The following ADAMTS3 variants were observed in gnomAD, a reference collection of about 807,000 sequenced individuals.
ADAMTS3 encodes A disintegrin and metalloproteinase with thrombospondin motifs 3.
A neutral mutation model predicts 129.0 loss-of-function variants in ADAMTS3; 73 were observed. The observed-to-expected ratio is 0.57, with a 90% confidence interval of 0.47 to 0.69. ADAMTS3 has a LOEUF of 0.69. Ranked by LOEUF, ADAMTS3 falls within the 30% of genes least tolerant of loss-of-function variation. The pLI is 0.00. For missense variants in ADAMTS3, 1,457 were observed against 1,514.5 expected (o/e 0.96, Z 0.63); for synonymous variants, 477 against 510.8 (o/e 0.93, Z 0.89).
At chr4:72,411,226 T>C (rs1239301170) in intron 4 of ADAMTS3, among the ~76,000 whole-genome samples, 1 of 152,122 alleles carries the variant, frequency 6.6e-6, no homozygotes, top group African/African-American at 2.4e-5. Flanking sequence ...AATCGTACCA[T>C]ATGACACATT....
intron 3 of ADAMTS3, among the ~76,000 whole-genome samples, chr4:72,441,524 A>G (rs989575473): frequency 2.6e-5 from 4 of 151,740 alleles, no homozygotes; most frequent in Non-Finnish European, 5.9e-5. Flanking sequence ...TGAGATGAGC[A>G]GTTTTAATTT....
intron 3 of ADAMTS3, among the ~76,000 whole-genome samples, chr4:72,530,671 TATA>T (rs66816375): frequency 0.25 from 21,154 of 85,618 alleles, 3,104 homozygotes; most frequent in East Asian, 0.41. Flanking sequence ...TTATATAATA[TATA>T]ATATGTATAA....
chr4:72,466,238 G>A (rs1038379898), intron 3 of ADAMTS3, among the ~76,000 whole-genome samples: 2 of 152,166 alleles, frequency 1.3e-5, no homozygotes, highest in Non-Finnish European at 2.9e-5. Flanking sequence ...TGTTCAGCTC[G>A]TGGCTGGCAC....
chr4:72,530,805 T>TTA (rs1460889977), intron 3 of ADAMTS3, among the ~76,000 whole-genome samples: 2 of 52,924 alleles, frequency 3.8e-5, no homozygotes, highest in East Asian at 7.3e-4. Context: ...ATTATATATA[T>TTA]TATATATTAT....
intron 3 of ADAMTS3, among the ~76,000 whole-genome samples, chr4:72,424,137 T>C (rs1722514533): frequency 1.3e-5 from 2 of 152,142 alleles, no homozygotes; most frequent in Admixed American, 1.3e-4. Context: ...ACATTTGAGT[T>C]TAGCTGGCAT....
At chr4:72,349,253 T>C (rs1720365442) in intron 4 of ADAMTS3, among the ~76,000 whole-genome samples, 1 of 152,030 alleles carries the variant, frequency 6.6e-6, no homozygotes, top group South Asian at 2.1e-4. Flanking sequence ...AATTAATAAT[T>C]AGGCCACAAT....
At chr4:72,396,279 C>T (rs1721722493) in intron 4 of ADAMTS3, among the ~76,000 whole-genome samples, 1 of 152,050 alleles carries the variant, frequency 6.6e-6, no homozygotes. Context: ...GCACAGTTTT[C>T]TCATCAAAGA....
intron 19 of ADAMTS3, among the ~76,000 whole-genome samples, chr4:72,294,255 T>G (rs965076278): frequency 4.6e-5 from 7 of 152,042 alleles, no homozygotes; most frequent in African/African-American, 1.7e-4. Flanking sequence ...AAAGTGGAAC[T>G]CACAGAAGTG....
At chr4:72,417,268 G>C (rs369950237) in intron 3 of ADAMTS3, among the ~76,000 whole-genome samples, 1 of 152,156 alleles carries the variant, frequency 6.6e-6, no homozygotes, top group East Asian at 1.9e-4. Flanking sequence ...ACTCAGGGAA[G>C]AAACAGTGCC....
At chr4:72,444,728 A>T (rs956823270) in intron 3 of ADAMTS3, among the ~76,000 whole-genome samples, 2 of 151,806 alleles carry the variant, frequency 1.3e-5, no homozygotes. Flanking sequence ...GAAAACTGAA[A>T]GATGACAAGA....
At chr4:72,386,184 G>T (rs186395507) in intron 4 of ADAMTS3, among the ~76,000 whole-genome samples, 2 of 151,778 alleles carry the variant, frequency 1.3e-5, no homozygotes, top group African/African-American at 2.4e-5. Context: ...AAAATGTCTC[G>T]GTACCAACTG....
rs185542850 is a variant in ADAMTS3, at chr4:72,336,744, C to A, written c.861+2750G>T. On this transcript the variant is annotated intron_variant, in intron 5 of 21. Transcript: ENST00000286657. The stretch of plus-strand genomic sequence containing the variant: ...ATCTCAGCATCGTTGACATTTTGGG[C>A]CAGATAATTAAAAATTCTATGCTGT... Among the ~76,000 whole-genome samples, 1,208 of 152,148 alleles carry A rather than the reference C, an allele frequency of 7.9e-3. 9 individuals are homozygous for A. The highest frequency in any genetic ancestry group is 0.012 in the Non-Finnish European group (822 of 68,004).
chr4:72,488,565 G>A (rs1160870377), intron 3 of ADAMTS3, among the ~76,000 whole-genome samples: 2 of 151,924 alleles, frequency 1.3e-5, no homozygotes, highest in East Asian at 3.8e-4. Flanking sequence ...TATCTCAAAT[G>A]TGATCATCTC....
At position 72,563,174 on chromosome 4, in the gene ADAMTS3, C is replaced by G. The variant is rs1184373575; in HGVS notation, c.97+4200G>C. Among the ~76,000 whole-genome samples the G allele has an allele frequency of 2.0e-5, 3 of 152,252 alleles. No individual in the cohort carries two copies. In the East Asian group the frequency reaches 5.8e-4, roughly 29 times the overall value. On this transcript the variant is annotated intron_variant, in intron 2 of 21. Transcript: ENST00000286657. ...GTGAAAGCATGGCTAAACACCAACA[C>G]TAAGTTGTGATAATGGTGATACATA...
At chr4:72,426,466 C>A (rs189578516) in intron 3 of ADAMTS3, among the ~76,000 whole-genome samples, 1 of 152,060 alleles carries the variant, frequency 6.6e-6, no homozygotes, top group Non-Finnish European at 1.5e-5. Context: ...AATGCACATA[C>A]CCAAACTATA....
rs112565530 is a variant in ADAMTS3 at position 72,288,854 on chromosome 4, G to A, written c.2946C>T (p.Cys982=). The change falls in exon 21 of 22, where the codon TGC becomes TGT. Residue 982 remains cysteine (C), a synonymous_variant. Coordinates refer to ENST00000286657, the MANE Select transcript of ADAMTS3 (RefSeq NM_014243.3). ...TGPWSECSVT[C]GEGTEVRQVL... is the part of the protein sequence containing the mutation. ...CCTGCCTCACCTCCGTTCCTTCACCGCAGGTCACTGAACACTGCAGAGACA... is the reference window on the plus strand; with the variant it reads ...CCTGCCTCACCTCCGTTCCTTCACCACAGGTCACTGAACACTGCAGAGACA... The A allele has an allele frequency of 1.2e-5, 20 of 1,610,240 alleles. 1 individual carries two copies. The highest frequency in any genetic ancestry group is 3.3e-4 in the Middle Eastern group (2 of 6,038).
At chr4:72,510,839 A>T (rs956443896) in intron 3 of ADAMTS3, among the ~76,000 whole-genome samples, 3 of 150,864 alleles carry the variant, frequency 2.0e-5, no homozygotes, top group Non-Finnish European at 4.4e-5. Context: ...AAAAAAAAAA[A>T]AAAAACTGGA....
chr4:72,466,731 C>T (rs1260985478), intron 3 of ADAMTS3, among the ~76,000 whole-genome samples: 1 of 152,064 alleles, frequency 6.6e-6, no homozygotes, highest in African/African-American at 2.4e-5. Flanking sequence ...ATCTTCTCTT[C>T]TCTTGTTCTC....
At chr4:72,487,831 G>A (rs535025565) in intron 3 of ADAMTS3, among the ~76,000 whole-genome samples, 1 of 152,156 alleles carries the variant, frequency 6.6e-6, no homozygotes, top group Admixed American at 6.5e-5. Context: ...TCTCTACACT[G>A]CTAGAAGAGT....
Sources: allele counts gnomAD v4.1 joint callset (sites outside exome capture counted in the v4.1 genomes callset), GRCh38; gene constraint gnomAD v4.1.1; transcripts MANE v1.5; gene names NCBI Gene and HGNC (gene_info 2026-07-23, HGNC 2026-07-21).